Variants in CACNB2 observed in about 807,000 individuals in gnomAD.
CACNB2 encodes the protein calcium voltage-gated channel auxiliary subunit beta 2, also known as voltage-dependent L-type calcium channel subunit beta-2.
CACNB2 carries 42 observed loss-of-function variants against 73.3 expected under a neutral mutation model. That is an observed-to-expected ratio of 0.57 (90% confidence interval 0.45 to 0.74). The LOEUF (loss-of-function observed/expected upper bound fraction) is 0.74. Ranked by LOEUF, CACNB2 falls within the 30% of genes least tolerant of loss-of-function variation. CACNB2 has a pLI of 0.00. For missense variants in CACNB2, 940 were observed against 853.0 expected, an observed-to-expected ratio of 1.10 and a Z score of -1.27; for synonymous variants, 348 against 310.3, an observed-to-expected ratio of 1.12 and a Z score of -1.28.
intron 2 of CACNB2, among the ~76,000 whole-genome samples, chr10:18,282,292 G>A (rs1455046811): frequency 5.9e-5 from 9 of 152,208 alleles, no homozygotes; most frequent in Non-Finnish European, 1.3e-4. Context: ...GGACACTGCA[G>A]CTGTGGCTGG....
chr10:18,259,570 A>AAAGAAAAC (rs2037439338), intron 2 of CACNB2, among the ~76,000 whole-genome samples: 5 of 116,990 alleles, frequency 4.3e-5, no homozygotes, highest in Non-Finnish European at 3.5e-5. Flanking sequence ...CAAACAAAAA[A>AAAGAAAAC]AAAAAGTAAA....
At chr10:18,356,881 C>T (rs2041930344) in intron 2 of CACNB2, among the ~76,000 whole-genome samples, 1 of 151,564 alleles carries the variant, frequency 6.6e-6, no homozygotes, top group Non-Finnish European at 1.5e-5. Flanking sequence ...CCTCCTGCCT[C>T]AGCTTCCCAA....
chr10:18,394,822 C>T (rs768632696), intron 2 of CACNB2, among the ~76,000 whole-genome samples: 1 of 152,212 alleles, frequency 6.6e-6, no homozygotes, highest in African/African-American at 2.4e-5. Flanking sequence ...TGATTATCCT[C>T]ATTATGAGTA....
At chr10:18,290,297 G>A (rs948665346) in intron 2 of CACNB2, among the ~76,000 whole-genome samples, 3 of 151,550 alleles carry the variant, frequency 2.0e-5, no homozygotes, top group African/African-American at 7.3e-5. Flanking sequence ...AAAATGCTGG[G>A]ATTACAGGCA....
At chr10:18,463,395 A>C (rs2047687297) in intron 3 of CACNB2, among the ~76,000 whole-genome samples, 1 of 151,390 alleles carries the variant, frequency 6.6e-6, no homozygotes. Flanking sequence ...TTTGTTTCTC[A>C]CCTTCCAAGA....
intron 2 of CACNB2, among the ~76,000 whole-genome samples, chr10:18,198,096 A>G (rs2034708216): frequency 6.7e-6 from 1 of 148,174 alleles, no homozygotes; most frequent in African/African-American, 2.5e-5. Context: ...TACATAATTA[A>G]CATGTAATAT....
At chr10:18,308,950 C>T (rs2039851890) in intron 2 of CACNB2, among the ~76,000 whole-genome samples, 1 of 152,154 alleles carries the variant, frequency 6.6e-6, no homozygotes, top group Non-Finnish European at 1.5e-5. Flanking sequence ...TATTTGAATA[C>T]TAACTTCCAC....
rs537583135 is a variant in CACNB2, at chr10:18,163,679, G to C, written c.213+12704G>C. ...GAACCTACAGAAAGGTTATATAGGTGTTCATTGGACCATTCTTTTGCTTTT... is the reference window on the plus strand; with the variant it reads ...GAACCTACAGAAAGGTTATATAGGTCTTCATTGGACCATTCTTTTGCTTTT... On this transcript the variant is annotated intron_variant, in intron 2 of 13. Coordinates refer to ENST00000324631, the MANE Select transcript of CACNB2 (RefSeq NM_201596.3). Among the ~76,000 whole-genome samples the C allele has an allele frequency of 7.2e-5, 11 of 152,280 alleles. No homozygotes were observed. The South Asian group carries it at 1.9e-3, about 26-fold the overall frequency.
At chr10:18,280,755 G>A (rs1211250415) in intron 2 of CACNB2, among the ~76,000 whole-genome samples, 2 of 152,150 alleles carry the variant, frequency 1.3e-5, no homozygotes, top group African/African-American at 2.4e-5. Context: ...AAATAAAAAT[G>A]ACAGTTAATT....
chr10:18,226,411 T>C (rs1394065694), intron 2 of CACNB2, among the ~76,000 whole-genome samples: 1 of 152,148 alleles, frequency 6.6e-6, no homozygotes, highest in African/African-American at 2.4e-5. Context: ...TTTGTAAGAG[T>C]TACAGTGAGA....
chr10:18,261,185 A>G, intron 2 of CACNB2: 3 of 1,548,756 alleles, frequency 1.9e-6, no homozygotes, highest in Non-Finnish European at 2.6e-6. Context: ...GAAGGTGGGA[A>G]GAAATGGACC....
chr10:18,276,436 G>C (rs750952540), intron 2 of CACNB2, among the ~76,000 whole-genome samples: 1 of 152,172 alleles, frequency 6.6e-6, no homozygotes, highest in Non-Finnish European at 1.5e-5. Context: ...CTTTGACTTA[G>C]GAATTTGAAT....
At chr10:18,339,773 G>A (rs940827786) in intron 2 of CACNB2, among the ~76,000 whole-genome samples, 2 of 152,110 alleles carry the variant, frequency 1.3e-5, no homozygotes, top group Non-Finnish European at 2.9e-5. Context: ...TCAGGTAATT[G>A]TCATGTGCCA....
intron 2 of CACNB2, among the ~76,000 whole-genome samples, chr10:18,173,675 G>T (rs2033397779): frequency 6.6e-6 from 1 of 152,100 alleles, no homozygotes; most frequent in Admixed American, 6.5e-5. Flanking sequence ...ATCACTGTGG[G>T]TTCTGAATAT....
At chr10:18,183,937 G>C (rs2034019970) in intron 2 of CACNB2, among the ~76,000 whole-genome samples, 1 of 152,136 alleles carries the variant, frequency 6.6e-6, no homozygotes, top group Non-Finnish European at 1.5e-5. Flanking sequence ...AATTGTTCTA[G>C]AGCTCCGTTG....
rs2048857682 is a variant in CACNB2 at position 18,482,859 on chromosome 10, A to C, written c.334-15496A>C. ...TTTAGAGTTACTACATGTTATTCTC[A>C]GAGTTTATTTGTAGATGTTCCAATG... On this transcript the variant is annotated intron_variant, in intron 3 of 13. Coordinates refer to ENST00000324631, the MANE Select transcript of CACNB2 (RefSeq NM_201596.3). 2.0e-5 allele frequency among the ~76,000 whole-genome samples: 3 copies of C among 152,284 alleles called. No individual in the cohort carries two copies. The East Asian group carries it at 5.8e-4, about 29-fold the overall frequency.
chr10:18,536,487 C>T (rs1267243875), intron 12 of CACNB2, among the ~76,000 whole-genome samples: 1 of 151,518 alleles, frequency 6.6e-6, no homozygotes, highest in Non-Finnish European at 1.5e-5. Context: ...GTCTAGAACT[C>T]CTGGCCTGAA....
chr10:18,437,037 A>G (rs1462970275), intron 3 of CACNB2, among the ~76,000 whole-genome samples: 3 of 152,248 alleles, frequency 2.0e-5, no homozygotes, highest in African/African-American at 7.2e-5. Flanking sequence ...GTGTGTTTAT[A>G]TAAGTCACCT....
At chr10:18,166,400 C>T (rs192795842) in intron 2 of CACNB2, among the ~76,000 whole-genome samples, 3 of 152,184 alleles carry the variant, frequency 2.0e-5, no homozygotes, top group East Asian at 3.9e-4. Context: ...GGACTACAGG[C>T]GTGTGTCACC....
Sources: allele counts gnomAD v4.1 joint callset (sites outside exome capture counted in the v4.1 genomes callset), GRCh38; gene constraint gnomAD v4.1.1; transcripts MANE v1.5; gene names NCBI Gene and HGNC (gene_info 2026-07-23, HGNC 2026-07-21).